The following CRYM variants were observed in gnomAD, a reference collection of about 807,000 sequenced individuals.
CRYM encodes crystallin mu.
Under a neutral mutation model 32.9 loss-of-function variants are expected in CRYM, and 18 were observed. That is an observed-to-expected ratio of 0.55 (90% CI 0.38 to 0.81). CRYM has a LOEUF of 0.81. CRYM is among the 30% of genes least tolerant of loss of function. The pLI, the probability that CRYM is intolerant of heterozygous loss-of-function variation, is 0.00. For synonymous variants in CRYM, 153 were observed against 152.4 expected (o/e 1.00, Z -0.03); for missense variants, 337 against 393.5 (o/e 0.86, Z 1.21).
In CRYM at chr16:21,258,538, C is replaced by T; in HGVS notation, c.*243G>A. 1.8e-6 allele frequency: 1 copy of T among 557,848 alleles called. No homozygotes were observed. The highest frequency in any genetic ancestry group is 3.2e-6 in the Non-Finnish European group (1 of 312,474). The allele number at this position is 557,848 out of a possible 1,614,324, so 34.6% of individuals were successfully genotyped here. On this transcript the variant is annotated 3_prime_UTR_variant, in exon 8 of 8. Transcript: ENST00000572914. ...GCAAACACTGCACAATTGGAATGTG[C>T]TTTATTTCAGGGAAATATAAAGGGA...
At chr16:21,278,333 T>G, upstream of CRYM, 1 of 1,505,838 alleles carries the variant, frequency 6.6e-7, no homozygotes, top group East Asian at 2.5e-5. Context: ...GCGCGCCCGC[T>G]GCTCTGTGGA....
intron 1 of CRYM, chr16:21,300,984 C>T (rs1275058106): frequency 6.7e-6 from 1 of 148,428 alleles, no homozygotes; most frequent in East Asian, 2.0e-4. Flanking sequence ...CTGGGCGTCC[C>T]ACGCGCAGAA....
intron 3 of CRYM, among the ~76,000 whole-genome samples, chr16:21,273,273 G>T (rs1165535254): frequency 6.6e-6 from 1 of 152,098 alleles, no homozygotes; most frequent in Non-Finnish European, 1.5e-5. Context: ...CTAAATAGAA[G>T]AGAAATGATG....
chr16:21,273,220 C>G (rs1267769877), intron 3 of CRYM, among the ~76,000 whole-genome samples: 1 of 152,176 alleles, frequency 6.6e-6, no homozygotes, highest in African/African-American at 2.4e-5. Flanking sequence ...TTATGTTCAT[C>G]AGACCCTAGA....
intron 5 of CRYM, 59 bp from the exon 6 acceptor site, chr16:21,262,217 C>G (rs1162701821): frequency 6.8e-6 from 11 of 1,610,620 alleles, no homozygotes; most frequent in Non-Finnish European, 9.3e-6. Flanking sequence ...TGCTAAGAAG[C>G]CCAAAGCACA....
chr16:21,297,877 T>C (rs1325523918), intron 1 of CRYM, among the ~76,000 whole-genome samples: 2 of 152,260 alleles, frequency 1.3e-5, no homozygotes, highest in Non-Finnish European at 2.9e-5. Context: ...CTCTGCGGTA[T>C]GTAAGAAACA....
At chr16:21,267,440 A>T in intron 5 of CRYM, 114 bp downstream of exon 5, 1 of 1,139,734 alleles carries the variant, frequency 8.8e-7, no homozygotes, top group Non-Finnish European at 1.3e-6. Context: ...AAGGCCCTTA[A>T]ATAGCTTGGG....
chr16:21,258,624 C>A lies in CRYM; in HGVS notation c.*157G>T. 1.4e-6 allele frequency: 1 copy of A among 715,818 alleles called. No individual in the cohort carries two copies. The highest frequency in any genetic ancestry group is 2.5e-6 in the Non-Finnish European group (1 of 402,880). 44.3% of individuals were successfully genotyped at this position (715,818 alleles called of 1,614,324 possible). A position where few individuals can be genotyped will look rare whatever the true frequency, so the allele number is the denominator to read the frequency against. On this transcript the variant is annotated 3_prime_UTR_variant, in exon 8 of 8. Coordinates refer to ENST00000572914, the MANE Select transcript of CRYM (RefSeq NM_001376256.1). ...ATGGCTACCTAGCTTTGCTTTCCAA[C>A]TACAAACATAAATGAGGATCTCAGC...
intron 5 of CRYM, 196 bp from the exon 6 acceptor site, chr16:21,262,354 A>C: frequency 1.8e-6 from 1 of 568,242 alleles, no homozygotes; most frequent in Non-Finnish European, 3.1e-6. Context: ...GTGGTGGCTC[A>C]CACCTGTAAT....
upstream of CRYM, among the ~76,000 whole-genome samples, chr16:21,281,582 A>G (rs970623666): frequency 2.6e-5 from 4 of 152,200 alleles, no homozygotes; most frequent in Admixed American, 6.5e-5. Flanking sequence ...ACAGATATTG[A>G]CTAACCGACC....
Position 21,277,732 on chromosome 16 carries a change from C to T in CRYM, c.171-148G>A. 1 of 899,560 alleles carries T rather than the reference C, an allele frequency of 1.1e-6. No individual in the cohort carries two copies. The highest frequency in any genetic ancestry group is 2.6e-5 in the East Asian group (1 of 37,934). 55.7% of individuals were successfully genotyped at this position (899,560 alleles called of 1,614,324 possible). ...CGCATCCCTCTGCCCTTCCCTTAGA[C>T]ACTATGCACAGTATGTTCAGAAGTC... On this transcript the variant is annotated intron_variant, in intron 1 of 7. Transcript: ENST00000572914. This position sits in a 1 kb window ranked among gnomAD's most constrained non-coding sequence, Gnocchi z 4.2.
chr16:21,273,118 T>A (rs2093379416), intron 3 of CRYM, among the ~76,000 whole-genome samples: 1 of 152,116 alleles, frequency 6.6e-6, no homozygotes, highest in Admixed American at 6.5e-5. Flanking sequence ...TAAATGTATG[T>A]TAGTGCTAAA....
At position 21,278,268 on chromosome 16, in the gene CRYM, T is replaced by C; in HGVS notation, c.-17A>G. The C allele has an allele frequency of 6.3e-7, 1 of 1,579,814 alleles. No homozygotes were observed. The highest frequency in any genetic ancestry group is 1.3e-5 in the African/African-American group (1 of 74,134). On this transcript the variant is annotated 5_prime_UTR_variant, in exon 1 of 8. Transcript: ENST00000572914. ...CCGGCTCATCTCGCCACCTGTGCCT[T>C]CTAACCTCAGTCTCCGCACCGCGAT... is the stretch of plus-strand genomic sequence containing the variant.
chr16:21,266,696 T>C (rs965005852), intron 5 of CRYM, among the ~76,000 whole-genome samples: 1 of 152,186 alleles, frequency 6.6e-6, no homozygotes, highest in African/African-American at 2.4e-5. Flanking sequence ...TGAATTACCA[T>C]TTGCCATAAT....
chr16:21,279,647 A>G (rs2093394678), upstream of CRYM, among the ~76,000 whole-genome samples: 1 of 152,216 alleles, frequency 6.6e-6, no homozygotes, highest in African/African-American at 2.4e-5. Context: ...TCTTCTGCCA[A>G]TGCAAAGGAT....
chr16:21,265,293 C>T (rs1210160868), intron 5 of CRYM, among the ~76,000 whole-genome samples: 8 of 152,220 alleles, frequency 5.3e-5, no homozygotes, highest in Admixed American at 5.2e-4. Context: ...CGCTTCCACA[C>T]TCAAGGCCTT....
rs756677070 is a variant in CRYM, at chr16:21,278,286, A to G, written c.-35T>C. 1 of 1,561,568 alleles carries G rather than the reference A, an allele frequency of 6.4e-7. No homozygotes were observed. Among genetic ancestry groups the G allele is most frequent in the Non-Finnish European group, 8.6e-7 (1 of 1,159,912 alleles). On this transcript the variant is annotated 5_prime_UTR_variant, in exon 1 of 8. Transcript: ENST00000572914. Reference sequence around the variant, plus strand: ...TGTGCCTTCTAACCTCAGTCTCCGCACCGCGATCCACGTACCCTCGGCTGT... The same window carrying G: ...TGTGCCTTCTAACCTCAGTCTCCGCGCCGCGATCCACGTACCCTCGGCTGT...
At chr16:21,269,663 C>T in intron 4 of CRYM, 127 bp downstream of exon 4, 1 of 672,930 alleles carries the variant, frequency 1.5e-6, no homozygotes, top group East Asian at 2.6e-5. Context: ...CATGAAGATA[C>T]AAGAATGGTC....
chr16:21,299,672 A>ACC (rs928989485), intron 1 of CRYM, among the ~76,000 whole-genome samples: 6 of 152,244 alleles, frequency 3.9e-5, no homozygotes, highest in African/African-American at 1.4e-4. Context: ...TAATATTTGT[A>ACC]CCCTCAATCA....
Sources: gnomAD v4.1 joint callset for allele counts (sites outside exome capture counted in the v4.1 genomes callset) on GRCh38, gnomAD v4.1.1 for gene constraint, Gnocchi (gnomAD v3.1) non-coding constraint, MANE v1.5 for transcripts, NCBI Gene and HGNC (gene_info 2026-07-23, HGNC 2026-07-21) for gene names.